The following C5 variants were observed in gnomAD, a reference collection of about 807,000 sequenced individuals.
C5 encodes complement C5.
C5 carries 140 observed loss-of-function variants against 218.8 expected under a neutral mutation model. The ratio of observed to expected loss-of-function variants is 0.64; its 90% CI spans 0.56 to 0.74. The LOEUF (loss-of-function observed/expected upper bound fraction) is 0.74. Ranked by LOEUF, C5 falls within the 30% of genes least tolerant of loss-of-function variation. The pLI, the probability that C5 is intolerant of heterozygous loss-of-function variation, is 0.00. For synonymous variants in C5, 614 were observed against 682.3 expected (o/e 0.90, Z 1.56); for missense variants, 1,700 against 1,969.6 (o/e 0.86, Z 2.59).
intron 40 of C5, 63 bp from the exon 41 acceptor site, chr9:120,952,931 T>C: frequency 6.3e-7 from 1 of 1,578,564 alleles, no homozygotes; most frequent in Non-Finnish European, 8.6e-7. Flanking sequence ...TTGATTTCTT[T>C]ATTTTTTTTT....
chr9:121,067,327 C>G, the C5 span, among the ~76,000 whole-genome samples: 1 of 151,484 alleles, frequency 6.6e-6, no homozygotes, highest in Non-Finnish European at 1.5e-5. Flanking sequence ...CTTTGAGAGG[C>G]CAAGGTGGGC....
At chr9:121,038,812 T>A (rs988578752) in intron 3 of C5, among the ~76,000 whole-genome samples, 1 of 152,224 alleles carries the variant, frequency 6.6e-6, no homozygotes, top group Non-Finnish European at 1.5e-5. Context: ...AGAAGCCACA[T>A]TAACACTGGT....
In C5 at chr9:120,960,335, C is replaced by G; in HGVS notation, c.4591G>C (p.Asp1531His). Residue 1531 changes from aspartate (D) to histidine (H), a missense_variant and splice_region_variant, in exon 38 of 41, where the codon GAT (aspartate) becomes CAT (histidine). By Grantham distance (81) the Asp-to-His change is moderately conservative. Transcript: ENST00000223642. ...AATTCTTCCTGCATTTGCCCACAAT[C>G]AGCTGGATTTTGTGAAAATTGGTAA... ...EGAACKCVEA[D>H]CGQMQEELDL... 6.2e-7 allele frequency: 1 copy of G among 1,610,744 alleles called. No homozygotes were observed. Among genetic ancestry groups the G allele is most frequent in the Non-Finnish European group, 8.5e-7 (1 of 1,177,562 alleles).
At chr9:121,037,120 G>C (rs2047533023) in intron 4 of C5, among the ~76,000 whole-genome samples, 1 of 151,796 alleles carries the variant, frequency 6.6e-6, no homozygotes, top group African/African-American at 2.4e-5. Flanking sequence ...TCATGATTTA[G>C]CAAGATTTTT....
upstream of C5, among the ~76,000 whole-genome samples, chr9:121,053,780 G>A (rs750353557): frequency 3.9e-5 from 6 of 152,090 alleles, no homozygotes; most frequent in East Asian, 1.9e-4. Flanking sequence ...GTGCTGCCCC[G>A]TCATGGTGGA....
Position 121,025,584 on chromosome 9 carries a change from T to C in C5, c.874-4A>G, listed in dbSNP as rs1439931233. 1 of 1,611,606 alleles carries C rather than the reference T, an allele frequency of 6.2e-7. No homozygotes were observed. Among genetic ancestry groups the C allele is most frequent in the South Asian group, 1.1e-5 (1 of 91,018 alleles). On this transcript the variant is annotated splice_polypyrimidine_tract_variant and splice_region_variant and intron_variant, in intron 8 of 40. Coordinates refer to ENST00000223642, the MANE Select transcript of C5 (RefSeq NM_001735.3). ...CTTGAGCAATTCCATTTATCAACTT[T>C]TTAAAAGGAGAAAAAGGAGGAGTTA...
Position 121,002,308 on chromosome 9 carries a change from A to G in C5, c.2562+3611T>C, listed in dbSNP as rs28534574. On this transcript the variant is annotated intron_variant, in intron 20 of 40. Transcript: ENST00000223642. The stretch of plus-strand genomic sequence containing the variant: ...TATATATGTATATATGTATATATAT[A>G]TGTGTGTGTATATATATATATATAT... 4.6e-3 allele frequency among the ~76,000 whole-genome samples: 308 copies of G among 66,904 alleles called. 1 individual carries two copies. Among genetic ancestry groups the G allele is most frequent in the South Asian group, 0.022 (26 of 1,182 alleles). The allele number at this position is 66,904 out of a possible 152,430, so 43.9% of individuals were successfully genotyped here.
upstream of C5, among the ~76,000 whole-genome samples, chr9:121,054,220 C>T (rs903390713): frequency 5.3e-5 from 8 of 152,006 alleles, no homozygotes; most frequent in Admixed American, 2.6e-4. Flanking sequence ...CAATAAGATA[C>T]CAAATTATAA....
upstream of C5, among the ~76,000 whole-genome samples, chr9:121,053,924 A>G (rs900254248): frequency 1.3e-5 from 2 of 152,192 alleles, no homozygotes; most frequent in African/African-American, 4.8e-5. Context: ...CTGGCTAACT[A>G]AAGTGGTCTG....
At chr9:120,974,278 A>C (rs536635818) in intron 30 of C5, among the ~76,000 whole-genome samples, 3 of 152,096 alleles carry the variant, frequency 2.0e-5, no homozygotes, top group Admixed American at 6.5e-5. Flanking sequence ...CTAAAGGCCA[A>C]CTCCAACCTG....
the C5 span, among the ~76,000 whole-genome samples, chr9:121,070,831 A>G: frequency 3.3e-5 from 5 of 152,096 alleles, no homozygotes; most frequent in African/African-American, 4.8e-5. Context: ...TAGGATGAGG[A>G]TAGTTAACAA....
At chr9:121,072,763 G>T in the C5 span, among the ~76,000 whole-genome samples, 17,552 of 145,432 alleles carry the variant, frequency 0.12, 1,471 homozygotes, top group African/African-American at 0.24. Flanking sequence ...CCGAGATCCT[G>T]CCACTGCACT....
chr9:120,998,887 C>G (rs532282078), intron 20 of C5, among the ~76,000 whole-genome samples: 1 of 152,242 alleles, frequency 6.6e-6, no homozygotes, highest in East Asian at 1.9e-4. Context: ...AAAGAGAGCA[C>G]CAGCTATTCA....
At chr9:121,044,027 C>A (rs75083772) in intron 2 of C5, among the ~76,000 whole-genome samples, 52 of 152,174 alleles carry the variant, frequency 3.4e-4, no homozygotes, top group East Asian at 1.2e-3. Flanking sequence ...TTTGGAAACA[C>A]GGGATGAAAG....
At chr9:121,061,734 T>C in the C5 span, among the ~76,000 whole-genome samples, 1 of 152,256 alleles carries the variant, frequency 6.6e-6, no homozygotes, top group African/African-American at 2.4e-5. Flanking sequence ...TTCACTTGCA[T>C]GTGCAATTGC....
chr9:120,963,518 T>A (rs1380939570), intron 34 of C5, 118 bp downstream of exon 34: 9 of 762,268 alleles, frequency 1.2e-5, no homozygotes, highest in Middle Eastern at 3.1e-4. Flanking sequence ...AAAAAAAAAA[T>A]ATTCTGGGTG....
rs41308006 is a variant in C5 at position 121,034,944 on chromosome 9, A to T, written c.493-50T>A. On this transcript the variant is annotated intron_variant, in intron 4 of 40. Transcript: ENST00000223642. ...AAAGGCCAGAAACTACATTTTAAAA[A>T]ATTTAACTGATTATACAATCTTTGA... The T allele has an allele frequency of 9.0e-4, 785 of 876,922 alleles. 3 individuals are homozygous for T. In the African/African-American group the frequency reaches 0.011, roughly 13 times the overall value. 54.3% of individuals were successfully genotyped at this position (876,922 alleles called of 1,614,324 possible).
the C5 span, among the ~76,000 whole-genome samples, chr9:121,062,672 C>T: frequency 1.2e-4 from 19 of 152,180 alleles, no homozygotes; most frequent in Admixed American, 2.6e-4. Flanking sequence ...ATTAGTGCTA[C>T]GGTCTGAATG....
intron 33 of C5, 47 bp downstream of exon 33, chr9:120,969,014 A>C (rs1284602400): frequency 6.7e-7 from 1 of 1,499,074 alleles, no homozygotes; most frequent in Non-Finnish European, 9.3e-7. Context: ...ACGTTAACAA[A>C]AATGAGAACT....
Sources: allele counts gnomAD v4.1 joint callset (sites outside exome capture counted in the v4.1 genomes callset), GRCh38; gene constraint gnomAD v4.1.1; transcripts MANE v1.5; gene names NCBI Gene and HGNC (gene_info 2026-07-23, HGNC 2026-07-21).